NYAP2: variants seen among roughly 807,000 people sequenced by gnomAD.
NYAP2 encodes the protein neuronal tyrosine-phosphorylated phosphoinositide-3-kinase adaptor 2, also known as neuronal tyrosine-phosphorylated phosphoinositide-3-kinase adapter 2.
A neutral mutation model predicts 50.4 loss-of-function variants in NYAP2; 23 were observed. The ratio of observed to expected loss-of-function variants is 0.46; its 90% CI spans 0.33 to 0.65. NYAP2 has a LOEUF of 0.65. Among genes scored for constraint, NYAP2 ranks in the 30% least tolerant of loss-of-function variants. NYAP2 has a pLI of 0.02. For missense variants in NYAP2, 885 were observed against 861.0 expected, an observed-to-expected ratio of 1.03 and a Z score of -0.35; for synonymous variants, 394 against 365.2, an observed-to-expected ratio of 1.08 and a Z score of -0.90.
At chr2:225,594,544 TA>T (rs1293724731) in intron 5 of NYAP2, among the ~76,000 whole-genome samples, 1 of 151,906 alleles carries the variant, frequency 6.6e-6, no homozygotes, top group Non-Finnish European at 1.5e-5. Context: ...TAAAATAAAA[TA>T]AAAACATTCA....
chr2:225,428,574 A>G (rs1695319696), intron 3 of NYAP2, among the ~76,000 whole-genome samples: 1 of 152,240 alleles, frequency 6.6e-6, no homozygotes. Flanking sequence ...ATTTACAAAG[A>G]CAGGTGACAA....
intron 3 of NYAP2, among the ~76,000 whole-genome samples, chr2:225,490,683 C>A (rs979034679): frequency 6.6e-6 from 1 of 152,184 alleles, no homozygotes; most frequent in African/African-American, 2.4e-5. Flanking sequence ...CTCTGCAGGG[C>A]TGACTCAGAG....
At chr2:225,671,273 C>T in the NYAP2 span, among the ~76,000 whole-genome samples, 5 of 152,090 alleles carry the variant, frequency 3.3e-5, no homozygotes, top group Admixed American at 1.3e-4. Flanking sequence ...CAAACCCTGA[C>T]ACTGCTTTAT....
At chr2:225,407,361 A>G (rs77812051) in intron 2 of NYAP2, among the ~76,000 whole-genome samples, 6,347 of 152,106 alleles carry the variant, frequency 0.042, 180 homozygotes, top group Middle Eastern at 0.11. Flanking sequence ...TTACAGCTTA[A>G]CATAAAACAA....
intron 2 of NYAP2, among the ~76,000 whole-genome samples, chr2:225,408,350 A>G (rs1346233817): frequency 6.6e-6 from 1 of 152,036 alleles, no homozygotes; most frequent in Admixed American, 6.6e-5. Context: ...TTCTTTTACT[A>G]CTACTATATT....
chr2:225,482,408 C>T (rs1046184631), intron 3 of NYAP2, among the ~76,000 whole-genome samples: 2 of 152,082 alleles, frequency 1.3e-5, no homozygotes, highest in African/African-American at 4.8e-5. Context: ...CAGTGTTTCC[C>T]TTAGTCTTAG....
intron 5 of NYAP2, among the ~76,000 whole-genome samples, chr2:225,617,213 G>C (rs1446170429): frequency 6.6e-6 from 1 of 152,074 alleles, no homozygotes; most frequent in Non-Finnish European, 1.5e-5. Context: ...GATCTCTTGA[G>C]GTCAGGAGTT....
chr2:225,515,469 ATGTG>A (rs112169506), intron 4 of NYAP2, among the ~76,000 whole-genome samples: 1 of 149,642 alleles, frequency 6.7e-6, no homozygotes, highest in Non-Finnish European at 1.5e-5. Context: ...ATGAACATTC[ATGTG>A]TGTGTGTGTG....
chr2:225,696,175 G>A, the NYAP2 span, among the ~76,000 whole-genome samples: 1 of 151,912 alleles, frequency 6.6e-6, no homozygotes, highest in Admixed American at 6.6e-5. Context: ...GAGTCAGACA[G>A]ACCTGAGTTT....
intron 3 of NYAP2, among the ~76,000 whole-genome samples, chr2:225,462,106 A>G (rs1000630101): frequency 1.3e-5 from 2 of 152,228 alleles, no homozygotes; most frequent in African/African-American, 4.8e-5. Flanking sequence ...GCACATATAA[A>G]TGTGTACTGT....
intron 5 of NYAP2, 129 bp downstream of exon 5, chr2:225,583,164 C>T: frequency 8.9e-7 from 1 of 1,124,620 alleles, no homozygotes; most frequent in Non-Finnish European, 1.2e-6. Context: ...TCTTAGCATG[C>T]AAACAAAATG....
intron 3 of NYAP2, among the ~76,000 whole-genome samples, chr2:225,499,990 C>T (rs1239963604): frequency 6.6e-6 from 1 of 152,000 alleles, no homozygotes; most frequent in African/African-American, 2.4e-5. Flanking sequence ...TGAGAATAAT[C>T]AATGAAGAAT....
chr2:225,645,278 A>G (rs1485465645), intron 6 of NYAP2, among the ~76,000 whole-genome samples: 2 of 152,050 alleles, frequency 1.3e-5, no homozygotes, highest in African/African-American at 4.8e-5. Flanking sequence ...GCTAACTAAT[A>G]AATTACATAG....
chr2:225,407,039 G>T (rs1442891063), intron 2 of NYAP2, among the ~76,000 whole-genome samples: 2 of 152,026 alleles, frequency 1.3e-5, no homozygotes, highest in African/African-American at 4.8e-5. Flanking sequence ...ATTATCTCTA[G>T]AATTCTTGTA....
intron 3 of NYAP2, among the ~76,000 whole-genome samples, chr2:225,489,874 G>A (rs1226711017): frequency 3.3e-5 from 5 of 152,142 alleles, no homozygotes; most frequent in South Asian, 2.1e-4. Context: ...CAGCACCAGC[G>A]TTTTTTAAAG....
chr2:225,501,438 T>A (rs547565756), intron 3 of NYAP2, among the ~76,000 whole-genome samples: 1 of 152,306 alleles, frequency 6.6e-6, no homozygotes. Flanking sequence ...GGCATGTAAA[T>A]AATGTATAAA....
intron 3 of NYAP2, among the ~76,000 whole-genome samples, chr2:225,417,422 A>G (rs1035053785): frequency 1.3e-5 from 2 of 152,106 alleles, no homozygotes; most frequent in African/African-American, 4.8e-5. Flanking sequence ...GCCTCTAGTT[A>G]AAAGTTATTC....
chr2:225,474,945 T>C (rs1343539031), intron 3 of NYAP2, among the ~76,000 whole-genome samples: 2 of 152,224 alleles, frequency 1.3e-5, no homozygotes, highest in Non-Finnish European at 2.9e-5. Flanking sequence ...TGAATATATG[T>C]ACAAGTGTGA....
chr2:225,504,118 C>A (rs941181930), intron 3 of NYAP2, among the ~76,000 whole-genome samples: 81 of 152,218 alleles, frequency 5.3e-4, no homozygotes, highest in African/African-American at 1.9e-3. Context: ...AGCCTCCTGT[C>A]ATAGTACACT....
Sources: gnomAD v4.1 joint callset for allele counts (sites outside exome capture counted in the v4.1 genomes callset) on GRCh38, gnomAD v4.1.1 for gene constraint, MANE v1.5 for transcripts, NCBI Gene and HGNC (gene_info 2026-07-23, HGNC 2026-07-21) for gene names.